The following ALDH9A1 variants were observed in gnomAD, a reference collection of about 807,000 sequenced individuals.
ALDH9A1 encodes the protein 4-trimethylaminobutyraldehyde dehydrogenase.
ALDH9A1 carries 42 observed loss-of-function variants against 56.6 expected under a neutral mutation model. The ratio of observed to expected loss-of-function variants is 0.74; its 90% CI spans 0.58 to 0.96. ALDH9A1 has a LOEUF of 0.96. ALDH9A1 is among the 40% of genes least tolerant of loss of function. The pLI is 0.00. For missense variants in ALDH9A1, 661 were observed against 651.5 expected (o/e 1.01, Z -0.16); for synonymous variants, 242 against 236.0 (o/e 1.03, Z -0.23).
At chr1:165,689,231 A>G (rs1401917323) in intron 2 of ALDH9A1, among the ~76,000 whole-genome samples, 4 of 152,210 alleles carry the variant, frequency 2.6e-5, no homozygotes, top group Non-Finnish European at 5.9e-5. Flanking sequence ...GAATATTTTG[A>G]TATTTCTGCA....
At position 165,669,036 on chromosome 1, in the gene ALDH9A1, T is replaced by C. The variant is rs758490444; in HGVS notation, c.1120-23A>G. On this transcript the variant is annotated intron_variant, in intron 7 of 10. Transcript: ENST00000354775. ...ACCCTGCCGAAAAGGAAAAAAGATATGTTGTATTAAAAATATAACCCCAAA... is the reference window on the plus strand; with the variant it reads ...ACCCTGCCGAAAAGGAAAAAAGATACGTTGTATTAAAAATATAACCCCAAA... The C allele has an allele frequency of 1.2e-5, 19 of 1,559,862 alleles. No individual in the cohort carries two copies. In the Admixed American group the frequency reaches 2.5e-4, roughly 21 times the overall value.
rs1299027276 is a variant in ALDH9A1, at chr1:165,669,426, A to G, written c.955T>C (p.Phe319Leu). The G allele has an allele frequency of 1.2e-6, 2 of 1,613,556 alleles. No individual in the cohort carries two copies. The highest frequency in any genetic ancestry group is 1.7e-6 in the Non-Finnish European group (2 of 1,179,736). Residue 319 changes from phenylalanine (F) to leucine (L), a missense_variant, in exon 7 of 11, where the codon TTT becomes CTT. Coordinates refer to ENST00000354775, the MANE Select transcript of ALDH9A1 (RefSeq NM_000696.4). ...GQVCCNGTRV[F>L]VQKEILDKFT... ...TTATCAAGAATTTCTTTCTGCACAAATACTCTTGTGCCATTACAGCAAACC... is the reference window on the plus strand; with the variant it reads ...TTATCAAGAATTTCTTTCTGCACAAGTACTCTTGTGCCATTACAGCAAACC...
rs1648889124 is a variant in ALDH9A1, at chr1:165,662,951, C to A, written c.*99G>T. On this transcript the variant is annotated 3_prime_UTR_variant, in exon 11 of 11. Transcript: ENST00000354775. ...TTCTCTTATACTGAACGCCAAAATT[C>A]TGGATGTAAAATAACATTCAGTTGT... 1 of 1,087,728 alleles carries A rather than the reference C, an allele frequency of 9.2e-7. No homozygotes were observed. Among genetic ancestry groups the A allele is most frequent in the Admixed American group, 1.8e-5 (1 of 57,030 alleles). 67.4% of individuals were successfully genotyped at this position (1,087,728 alleles called of 1,614,324 possible).
chr1:165,668,641 T>A, intron 8 of ALDH9A1: 1 of 245,284 alleles, frequency 4.1e-6, no homozygotes, highest in South Asian at 1.1e-4. Context: ...GGAATTAAAT[T>A]TATTAATTTT....
chr1:165,675,553 A>G (rs1200932426), intron 6 of ALDH9A1, among the ~76,000 whole-genome samples: 2 of 152,222 alleles, frequency 1.3e-5, no homozygotes, highest in African/African-American at 4.8e-5. Context: ...CTGGGTGGGA[A>G]GGAGGCACTG....
intron 2 of ALDH9A1, among the ~76,000 whole-genome samples, chr1:165,688,036 G>A (rs1396269797): frequency 6.6e-6 from 1 of 151,972 alleles, no homozygotes; most frequent in Non-Finnish European, 1.5e-5. Flanking sequence ...TTAATTCTAG[G>A]CTGGGTACAG....
Position 165,676,538 on chromosome 1 carries a change from C to G in ALDH9A1, c.930+2904G>C, listed in dbSNP as rs77657146. On this transcript the variant is annotated intron_variant, in intron 6 of 10. Transcript: ENST00000354775. ...AGCATGTTGTTGGCACTGCTGTAAA[C>G]AAATTAAGGGCAAAATTCTTGCCAA... 9.4e-3 allele frequency: 2,642 copies of G among 282,482 alleles called. 68 individuals carry two copies. Among genetic ancestry groups the G allele is most frequent in the African/African-American group, 0.055 (2,437 of 44,372 alleles). The allele number at this position is 282,482 out of a possible 1,614,324, so 17.5% of individuals were successfully genotyped here.
Position 165,669,250 on chromosome 1 carries a change from A to C in ALDH9A1, c.1119+12T>G, listed in dbSNP as rs370220593. ...CTTCCCCAACCCCACCCTACTGCCA[A>C]TTATTTCTTACCTGCTCCTTTGCCA... is the stretch of plus-strand genomic sequence containing the variant. On this transcript the variant is annotated intron_variant, in intron 7 of 10. Coordinates refer to ENST00000354775, the MANE Select transcript of ALDH9A1 (RefSeq NM_000696.4). 3.8e-6 allele frequency: 6 copies of C among 1,591,142 alleles called. No individual in the cohort carries two copies. Among genetic ancestry groups the C allele is most frequent in the East Asian group, 4.5e-5 (2 of 44,638 alleles).
Position 165,663,088 on chromosome 1 carries a change from C to T in ALDH9A1, c.1519G>A (p.Val507Met), listed in dbSNP as rs776018616. 17 of 1,613,962 alleles carry T rather than the reference C, an allele frequency of 1.1e-5. No homozygotes were observed. In the African/African-American group the frequency reaches 2.3e-4, roughly 22 times the overall value. Residue 507 changes from valine (V) to methionine (M), a missense_variant, in exon 11 of 11, where the codon GTG (valine) becomes ATG (methionine). By Grantham distance (21) the Val-to-Met change is conservative. Transcript: ENST00000354775. ...TCCACATCACCCATCTCCACACACA[C>T]AGTCTTCAGCTGTGAATAATATTCG... ...TIEYYSQLKTVCVEMGDVESA... is the reference protein window; with the variant it reads ...TIEYYSQLKTMCVEMGDVESA...
At chr1:165,686,326 T>G (rs970006373) in intron 2 of ALDH9A1, among the ~76,000 whole-genome samples, 1 of 151,708 alleles carries the variant, frequency 6.6e-6, no homozygotes, top group Non-Finnish European at 1.5e-5. Flanking sequence ...AGCAGACACA[T>G]GAGTTGAGAA....
chr1:165,680,401 G>C (rs1256031950), intron 5 of ALDH9A1, 86 bp downstream of exon 5: 3 of 1,411,756 alleles, frequency 2.1e-6, no homozygotes, highest in African/African-American at 1.5e-5. Context: ...AATCAAAAGA[G>C]AAGCCTCCAA....
rs549469295 is a variant in ALDH9A1, at chr1:165,675,259, C to A, written c.930+4183G>T. Among the ~76,000 whole-genome samples, 715 of 151,608 alleles carry A rather than the reference C, an allele frequency of 4.7e-3. 7 individuals carry two copies. The highest frequency in any genetic ancestry group is 0.017 in the African/African-American group (686 of 41,310). On this transcript the variant is annotated intron_variant, in intron 6 of 10. Coordinates refer to ENST00000354775, the MANE Select transcript of ALDH9A1 (RefSeq NM_000696.4). The stretch of plus-strand genomic sequence containing the variant: ...CAATTATTTTTAGTGCTCTCTCTCT[C>A]TCTCTATATATATATAAAGTATACA...
In ALDH9A1 at chr1:165,682,180, T is replaced by C. The variant is rs760003487; in HGVS notation, c.519A>G (p.Val173=). ...FGYTRREPLG[V]CVGIGAWNYP... ...AGTTCCATGCTCCTATTCCCACACA[T>C]ACCCCAAGTGGTTCTCTTCTGGTAT... The change falls in exon 4 of 11, where the codon GTA becomes GTG. Residue 173 remains valine (V), a synonymous_variant. Transcript: ENST00000354775. 1.9e-6 allele frequency: 3 copies of C among 1,613,810 alleles called. No individual in the cohort carries two copies. The highest frequency in any genetic ancestry group is 2.5e-6 in the Non-Finnish European group (3 of 1,179,880).
At chr1:165,689,250 G>A (rs928564965) in intron 2 of ALDH9A1, among the ~76,000 whole-genome samples, 11 of 152,304 alleles carry the variant, frequency 7.2e-5, no homozygotes, top group African/African-American at 2.6e-4. Flanking sequence ...CATGGTCAGG[G>A]CTTTCCAAGC....
rs1383823812 is a variant in ALDH9A1, at chr1:165,698,485, A to G, written c.74T>C (p.Met25Thr). Residue 25 changes from methionine to threonine, a missense_variant, in exon 1 of 11, where the codon ATG becomes ACG. By Grantham distance (81) the Met-to-Thr change is moderately conservative (BLOSUM62 -1). Transcript: ENST00000354775. Reference sequence around the variant, plus strand: ...CGACACGACGAAGGTGCCAGTGCTCATGGCGGCGACAGGAGAGGGCCGAAG... The same window carrying G: ...CGACACGACGAAGGTGCCAGTGCTCGTGGCGGCGACAGGAGAGGGCCGAAG... ...RSLRPSPVAA[M>T]STGTFVVSQP... 2.5e-6 allele frequency: 4 copies of G among 1,608,838 alleles called. No homozygotes were observed. The highest frequency in any genetic ancestry group is 2.7e-5 in the African/African-American group (2 of 74,168).
chr1:165,669,507 A>G (rs1649111060), intron 6 of ALDH9A1, 57 bp from the exon 7 acceptor site: 6 of 1,431,542 alleles, frequency 4.2e-6, no homozygotes, highest in Non-Finnish European at 5.6e-6. Flanking sequence ...AAAAGGGAAA[A>G]GGAAAAATGA....
At chr1:165,672,765 C>T (rs538800342) in intron 6 of ALDH9A1, among the ~76,000 whole-genome samples, 138 of 151,880 alleles carry the variant, frequency 9.1e-4, no homozygotes, top group African/African-American at 3.2e-3. Flanking sequence ...GGCGAAATCT[C>T]ATCTCTACAA....
At chr1:165,682,296 A>C in intron 3 of ALDH9A1, 55 bp from the exon 4 acceptor site, 1 of 1,580,814 alleles carries the variant, frequency 6.3e-7, no homozygotes, top group Non-Finnish European at 8.6e-7. Context: ...CCAAGATTTC[A>C]CCAACATCTG....
chr1:165,668,011 G>A (rs1649059505), intron 8 of ALDH9A1, among the ~76,000 whole-genome samples: 1 of 152,146 alleles, frequency 6.6e-6, no homozygotes, highest in African/African-American at 2.4e-5. Flanking sequence ...ACTGAGAATA[G>A]TAGTTACCTC....
Sources: gnomAD v4.1 joint callset for allele counts (sites outside exome capture counted in the v4.1 genomes callset) on GRCh38, gnomAD v4.1.1 for gene constraint, MANE v1.5 for transcripts, NCBI Gene and HGNC (gene_info 2026-07-23, HGNC 2026-07-21) for gene names.